The following CRPPA variants were observed in gnomAD, a reference collection of about 807,000 sequenced individuals.
The protein encoded by CRPPA is D-ribitol-5-phosphate cytidylyltransferase.
Under a neutral mutation model 52.0 loss-of-function variants are expected in CRPPA, and 43 were observed. That is an observed-to-expected ratio of 0.83 (90% CI 0.65 to 1.07). The LOEUF (loss-of-function observed/expected upper bound fraction) is 1.07, where lower values mean the gene tolerates loss of function less well. Ranked by LOEUF, CRPPA falls within the 50% of genes least tolerant of loss-of-function variation. CRPPA has a pLI of 0.00. For synonymous variants in CRPPA, 250 were observed against 203.5 expected, an observed-to-expected ratio of 1.23 and a Z score of -1.94; for missense variants, 629 against 551.7, an observed-to-expected ratio of 1.14 and a Z score of -1.40.
chr7:16,160,622 G>A (rs952893587), intron 9 of CRPPA, among the ~76,000 whole-genome samples: 1 of 152,164 alleles, frequency 6.6e-6, no homozygotes, highest in African/African-American at 2.4e-5. Context: ...TGTTCTTTTT[G>A]CTTAGGATTT....
At chr7:16,158,984 T>C (rs543693834) in intron 9 of CRPPA, among the ~76,000 whole-genome samples, 22 of 152,376 alleles carry the variant, frequency 1.4e-4, no homozygotes, top group Admixed American at 1.3e-3. Context: ...CAATTGTCTA[T>C]AAACCGAACT....
chr7:16,185,501 G>A (rs959802155), intron 9 of CRPPA, among the ~76,000 whole-genome samples: 10 of 152,132 alleles, frequency 6.6e-5, no homozygotes, highest in African/African-American at 1.9e-4. Context: ...GCATAACAAC[G>A]GTGGTGGCAA....
chr7:16,421,196 G>A lies in CRPPA; in HGVS notation c.127C>T (p.His43Tyr). ...QSVAGTEPGR[H>Y]PQAVAAVLPA... ...AACACAGCTGCCACGGCTTGCGGGT[G>A]GCGCCCGGGCTCGGTCCCGGCCACG... Residue 43 changes from histidine to tyrosine, a missense_variant, in exon 1 of 10, where the codon CAC (histidine) becomes TAC (tyrosine). By Grantham distance (83) the His-to-Tyr change is moderately conservative. Coordinates refer to ENST00000407010, the MANE Select transcript of CRPPA (RefSeq NM_001101426.4). 1 of 1,342,516 alleles carries A rather than the reference G, an allele frequency of 7.4e-7. No individual in the cohort carries two copies. The highest frequency in any genetic ancestry group is 9.6e-7 in the Non-Finnish European group (1 of 1,041,300). The allele number at this position is 1,342,516 out of a possible 1,614,324, so 83.2% of individuals were successfully genotyped here.
chr7:16,249,467 C>T (rs1050901047), intron 8 of CRPPA, among the ~76,000 whole-genome samples: 12 of 152,178 alleles, frequency 7.9e-5, no homozygotes, highest in African/African-American at 2.7e-4. Flanking sequence ...ATGGACATCT[C>T]ATACAGGAGA....
intron 5 of CRPPA, among the ~76,000 whole-genome samples, chr7:16,281,249 G>A (rs1433596753): frequency 6.6e-6 from 1 of 152,096 alleles, no homozygotes; most frequent in East Asian, 1.9e-4. Flanking sequence ...ATAGTGCTTT[G>A]TAGTTTCCAG....
At chr7:16,209,150 G>T in intron 9 of CRPPA, 1 of 363,618 alleles carries the variant, frequency 2.8e-6, no homozygotes, top group Non-Finnish European at 5.3e-6. Context: ...TTGTGCTAAG[G>T]CTTAGTGCAT....
At chr7:16,389,928 A>ATATATATATAT (rs1554353907) in intron 2 of CRPPA, among the ~76,000 whole-genome samples, 2 of 29,758 alleles carry the variant, frequency 6.7e-5, no homozygotes, top group East Asian at 1.4e-3. Context: ...AAAAAAAAAA[A>ATATATATATAT]ATATATATAT....
At chr7:16,391,172 C>A (rs1456821534) in intron 2 of CRPPA, among the ~76,000 whole-genome samples, 1 of 152,112 alleles carries the variant, frequency 6.6e-6, no homozygotes, top group East Asian at 1.9e-4. Flanking sequence ...TTTGGTATTA[C>A]CCACTCCACA....
intron 9 of CRPPA, among the ~76,000 whole-genome samples, chr7:16,130,375 T>C (rs995066812): frequency 3.3e-5 from 5 of 152,148 alleles, no homozygotes; most frequent in Non-Finnish European, 7.4e-5. Context: ...GGAAATGCTA[T>C]TCCAAATAAA....
intron 4 of CRPPA, among the ~76,000 whole-genome samples, chr7:16,301,924 C>A (rs1050524125): frequency 6.6e-6 from 1 of 151,988 alleles, no homozygotes; most frequent in African/African-American, 2.4e-5. Context: ...TACATATATC[C>A]GTATGAACCT....
rs192728725 is a variant in CRPPA at position 16,316,518 on chromosome 7, A to G, written c.685-7891T>C. On this transcript the variant is annotated intron_variant, in intron 3 of 9. Coordinates refer to ENST00000407010, the MANE Select transcript of CRPPA (RefSeq NM_001101426.4). ...TATGGTTTTGTTCCTGAACATATAG[A>G]TTTAATCAGTCTCATGTTCTGGTGG... Among the ~76,000 whole-genome samples, 17 of 152,230 alleles carry G rather than the reference A, an allele frequency of 1.1e-4. No individual in the cohort carries two copies. In the East Asian group the frequency reaches 3.3e-3, roughly 29 times the overall value.
chr7:16,330,892 C>G, intron 3 of CRPPA, among the ~76,000 whole-genome samples: 1 of 152,208 alleles, frequency 6.6e-6, no homozygotes, highest in East Asian at 1.9e-4. Context: ...ACACCCAGCC[C>G]TCCATGTGGG....
At chr7:16,209,748 A>G (rs1160063311) in intron 9 of CRPPA, among the ~76,000 whole-genome samples, 1 of 152,248 alleles carries the variant, frequency 6.6e-6, no homozygotes, top group African/African-American at 2.4e-5. Context: ...ATATAAGAAC[A>G]CGCTACTAAA....
chr7:16,331,627 G>A (rs1785554663), intron 3 of CRPPA, among the ~76,000 whole-genome samples: 1 of 152,098 alleles, frequency 6.6e-6, no homozygotes, highest in African/African-American at 2.4e-5. Flanking sequence ...GCAAGAAGAT[G>A]GGCAATTTAA....
intron 5 of CRPPA, among the ~76,000 whole-genome samples, chr7:16,279,267 G>A (rs1176429572): frequency 6.6e-6 from 1 of 152,102 alleles, no homozygotes; most frequent in African/African-American, 2.4e-5. Flanking sequence ...AGCAAAGCTA[G>A]GGAGAATAGG....
At position 16,321,376 on chromosome 7, in the gene CRPPA, C is replaced by T. The variant is rs116520537; in HGVS notation, c.685-12749G>A. 5.4e-3 allele frequency among the ~76,000 whole-genome samples: 817 copies of T among 152,116 alleles called. 6 individuals are homozygous for T. The highest frequency in any genetic ancestry group is 0.018 in the African/African-American group (735 of 41,492). On this transcript the variant is annotated intron_variant, in intron 3 of 9. Coordinates refer to ENST00000407010, the MANE Select transcript of CRPPA (RefSeq NM_001101426.4). ...GAAATTAAAATATTTCCCTAACACA[C>T]GAATTATTAACCTTATATGACAACA...
At chr7:16,139,185 A>G (rs1782818562) in intron 9 of CRPPA, among the ~76,000 whole-genome samples, 1 of 152,198 alleles carries the variant, frequency 6.6e-6, no homozygotes, top group African/African-American at 2.4e-5. Context: ...GAGTATTTGG[A>G]GGAATCCAAC....
chr7:16,239,558 G>GAA (rs1783048039), intron 8 of CRPPA, among the ~76,000 whole-genome samples: 5 of 16,714 alleles, frequency 3.0e-4, no homozygotes, highest in South Asian at 1.1e-3. Flanking sequence ...GAAGTCAATA[G>GAA]CAAAAAAAAA....
intron 4 of CRPPA, among the ~76,000 whole-genome samples, chr7:16,308,033 G>A (rs554541736): frequency 8.5e-5 from 13 of 152,138 alleles, no homozygotes; most frequent in African/African-American, 2.2e-4. Context: ...TGACTGGATC[G>A]TGGGGGCAGA....
Sources: gnomAD v4.1 joint callset for allele counts (sites outside exome capture counted in the v4.1 genomes callset) on GRCh38, gnomAD v4.1.1 for gene constraint, MANE v1.5 for transcripts, NCBI Gene and HGNC (gene_info 2026-07-23, HGNC 2026-07-21) for gene names.